Variants in CCDC102B observed in about 807,000 individuals in gnomAD.
CCDC102B encodes the protein coiled-coil domain containing 102B, also known as coiled-coil domain-containing protein 102B.
CCDC102B carries 75 observed loss-of-function variants against 57.4 expected under a neutral mutation model. The observed-to-expected ratio is 1.31, with a 90% CI of 1.08 to 1.58. CCDC102B has a LOEUF of 1.58. Among genes scored for constraint, CCDC102B ranks in the 40% most tolerant of loss-of-function variants. The pLI is 0.00. For synonymous variants in CCDC102B, 206 were observed against 201.9 expected (o/e 1.02, Z -0.17); for missense variants, 636 against 582.6 (o/e 1.09, Z -0.94).
Position 68,802,971 on chromosome 18 carries a change from A to G in CCDC102B, c.-16+4790A>G, listed in dbSNP as rs2144688445. Among the ~76,000 whole-genome samples the G allele has an allele frequency of 1.3e-5, 2 of 152,330 alleles. 1 individual carries two copies. Among genetic ancestry groups the G allele is most frequent in the Middle Eastern group, 6.8e-3 (2 of 294 alleles). On this transcript the variant is annotated intron_variant, in intron 1 of 7. Coordinates refer to ENST00000360242, the MANE Select transcript of CCDC102B (RefSeq NM_024781.3). ...ATAAATGTAAATCTTCATCTTTTGT[A>G]TATACAGATAATCATCATAGGTGTA...
intron 6 of CCDC102B, among the ~76,000 whole-genome samples, chr18:68,986,117 C>T (rs1212785576): frequency 3.3e-5 from 5 of 151,972 alleles, no homozygotes; most frequent in Non-Finnish European, 7.4e-5. Flanking sequence ...GTAACTATTC[C>T]CAAAAATCAA....
At chr18:68,767,950 T>G (rs1482522621) in intron 2 of CCDC102B, among the ~76,000 whole-genome samples, 1 of 152,144 alleles carries the variant, frequency 6.6e-6, no homozygotes, top group Non-Finnish European at 1.5e-5. Flanking sequence ...ATATATAGTT[T>G]AAGAATAAAA....
At chr18:68,757,261 T>C (rs1216182133) in intron 2 of CCDC102B, among the ~76,000 whole-genome samples, 1 of 152,188 alleles carries the variant, frequency 6.6e-6, no homozygotes, top group Non-Finnish European at 1.5e-5. Context: ...CCTTTTTGTC[T>C]TTAGTGAGAT....
chr18:68,949,929 G>A (rs1299597527), intron 6 of CCDC102B, among the ~76,000 whole-genome samples: 1 of 152,072 alleles, frequency 6.6e-6, no homozygotes, highest in African/African-American at 2.4e-5. Context: ...TCTGATTTAA[G>A]TATAGGAAAC....
intron 6 of CCDC102B, among the ~76,000 whole-genome samples, chr18:68,901,855 C>T (rs762757005): frequency 6.6e-6 from 1 of 152,154 alleles, no homozygotes; most frequent in Non-Finnish European, 1.5e-5. Context: ...TCATCATCCT[C>T]AGGTCATGAA....
intron 3 of CCDC102B, among the ~76,000 whole-genome samples, chr18:68,840,071 T>C (rs2037561813): frequency 6.6e-6 from 1 of 152,156 alleles, no homozygotes; most frequent in Admixed American, 6.6e-5. Context: ...ATATGAAATG[T>C]TCAATATGGA....
intron 6 of CCDC102B, among the ~76,000 whole-genome samples, chr18:69,005,108 A>C (rs749763071): frequency 6.6e-6 from 1 of 152,178 alleles, no homozygotes; most frequent in Admixed American, 6.5e-5. Context: ...AAAAATTATA[A>C]TGTGTTTAAC....
intron 3 of CCDC102B, 101 bp from the exon 4 acceptor site, chr18:68,846,212 A>C: frequency 1.7e-6 from 1 of 597,204 alleles, no homozygotes; most frequent in Non-Finnish European, 2.7e-6. Context: ...ATCAGTTACA[A>C]ATATCAAAAA....
intron 6 of CCDC102B, among the ~76,000 whole-genome samples, chr18:68,903,270 A>T (rs1335628947): frequency 6.6e-6 from 1 of 152,168 alleles, no homozygotes; most frequent in East Asian, 1.9e-4. Flanking sequence ...AACCATTTTT[A>T]TGCTCTTACA....
rs116269220 is a variant in CCDC102B, at chr18:68,960,186, A to G, written c.1264-50748A>G. ...ATCGCTGCTGATTATTCAGGGCTCAATGGTTCTTTAGTCAGCATGCAATGA... is the reference window on the plus strand; with the variant it reads ...ATCGCTGCTGATTATTCAGGGCTCAGTGGTTCTTTAGTCAGCATGCAATGA... On this transcript the variant is annotated intron_variant, in intron 6 of 7. Transcript: ENST00000360242. Among the ~76,000 whole-genome samples the G allele has an allele frequency of 2.4e-3, 373 of 152,252 alleles. 3 individuals carry two copies. The highest frequency in any genetic ancestry group is 7.3e-3 in the African/African-American group (304 of 41,554).
chr18:68,867,064 T>C lies in CCDC102B; in HGVS notation c.937-7605T>C. The C allele has an allele frequency of 1.3e-5, 3 of 225,018 alleles. No individual in the cohort carries two copies. The South Asian group carries it at 2.2e-4, about 16-fold the overall frequency. The allele number at this position is 225,018 out of a possible 1,614,324, so 13.9% of individuals were successfully genotyped here. A position where few individuals can be genotyped will look rare whatever the true frequency, so the allele number is the denominator to read the frequency against. ...TTCCCAGCGTCATCTTTCCACACAC[T>C]ATTAAGGTCACCTATCCTCCCATTT... On this transcript the variant is annotated intron_variant, in intron 4 of 7. Transcript: ENST00000360242.
At chr18:68,982,950 A>G (rs1034542644) in intron 6 of CCDC102B, among the ~76,000 whole-genome samples, 4 of 151,936 alleles carry the variant, frequency 2.6e-5, no homozygotes, top group African/African-American at 7.2e-5. Flanking sequence ...TGAAGAGAAA[A>G]TTTTATATGT....
chr18:68,930,917 C>T (rs1356446510), intron 6 of CCDC102B, among the ~76,000 whole-genome samples: 3 of 149,272 alleles, frequency 2.0e-5, no homozygotes, highest in African/African-American at 7.4e-5. Context: ...AACACATACA[C>T]TTTTTTTTTT....
At chr18:68,847,921 T>C (rs1451219127) in intron 4 of CCDC102B, among the ~76,000 whole-genome samples, 1 of 151,762 alleles carries the variant, frequency 6.6e-6, no homozygotes, top group Non-Finnish European at 1.5e-5. Flanking sequence ...TGGAAATTTT[T>C]TAAAAATATG....
intron 7 of CCDC102B, among the ~76,000 whole-genome samples, chr18:69,025,082 C>G (rs2145429377): frequency 1.3e-5 from 2 of 151,960 alleles, no homozygotes; most frequent in South Asian, 2.1e-4. Flanking sequence ...ATTTTTTATT[C>G]TACTCATGAA....
chr18:68,793,167 T>C (rs2035518069), upstream of CCDC102B, among the ~76,000 whole-genome samples: 1 of 152,200 alleles, frequency 6.6e-6, no homozygotes, highest in Non-Finnish European at 1.5e-5. Flanking sequence ...TCAAATCACC[T>C]AGTACATTTC....
At chr18:68,833,930 C>T (rs958934424) in intron 1 of CCDC102B, among the ~76,000 whole-genome samples, 1 of 152,058 alleles carries the variant, frequency 6.6e-6, no homozygotes, top group Non-Finnish European at 1.5e-5. Context: ...CACGTATCAG[C>T]GGCCCTGTCC....
intron 6 of CCDC102B, among the ~76,000 whole-genome samples, chr18:69,000,201 A>G (rs1483225356): frequency 1.3e-5 from 2 of 152,214 alleles, no homozygotes; most frequent in Non-Finnish European, 2.9e-5. Flanking sequence ...GTATGTATAA[A>G]AAGCATTATG....
intron 6 of CCDC102B, among the ~76,000 whole-genome samples, chr18:69,000,214 C>T (rs1256520778): frequency 6.6e-6 from 1 of 152,032 alleles, no homozygotes; most frequent in Admixed American, 6.6e-5. Flanking sequence ...GCATTATGAA[C>T]ATGCTATTAT....
Sources: allele counts gnomAD v4.1 joint callset (sites outside exome capture counted in the v4.1 genomes callset), GRCh38; gene constraint gnomAD v4.1.1; transcripts MANE v1.5; gene names NCBI Gene and HGNC (gene_info 2026-07-23, HGNC 2026-07-21).